SSPN: variants seen among roughly 807,000 people sequenced by gnomAD.
SSPN encodes sarcospan.
A neutral mutation model predicts 19.1 loss-of-function variants in SSPN; 15 were observed. The ratio of observed to expected loss-of-function variants is 0.78; its 90% confidence interval spans 0.52 to 1.21. The LOEUF (loss-of-function observed/expected upper bound fraction) is 1.21, where lower values mean the gene tolerates loss of function less well. Among genes scored for constraint, SSPN ranks in the 50% most tolerant of loss-of-function variants. SSPN has a pLI of 0.00. For synonymous variants in SSPN, 147 were observed against 140.3 expected (o/e 1.05, Z -0.34); for missense variants, 291 against 314.0 (o/e 0.93, Z 0.55).
intron 1 of SSPN, among the ~76,000 whole-genome samples, chr12:26,158,465 A>T (rs1591854156): frequency 6.6e-6 from 1 of 152,252 alleles, no homozygotes; most frequent in East Asian, 1.9e-4. Flanking sequence ...CCAGACAACA[A>T]CCTGGTAGGA....
chr12:26,172,532 G>C lies in SSPN; in HGVS notation c.-31+50380G>C, dbSNP rs563934151. Among the ~76,000 whole-genome samples, 9 of 152,288 alleles carry C rather than the reference G, an allele frequency of 5.9e-5. No homozygotes were observed. The South Asian group carries it at 1.5e-3, about 25-fold the overall frequency. On this transcript the variant is annotated intron_variant, in intron 1 of 2. Coordinates refer to the SSPN transcript ENST00000538142. ...ATTTGTATTATATTATCTCCTATTA[G>C]ATGCTAATCTATGATTTTTAATAGA...
At chr12:26,186,619 C>T (rs1944755890) in intron 1 of SSPN, among the ~76,000 whole-genome samples, 1 of 152,214 alleles carries the variant, frequency 6.6e-6, no homozygotes, top group Admixed American at 6.5e-5. Flanking sequence ...TCTTTTGCTT[C>T]TGCAGGTCTG....
intron 1 of SSPN, among the ~76,000 whole-genome samples, chr12:26,132,054 A>T (rs1296602829): frequency 6.6e-6 from 1 of 152,132 alleles, no homozygotes; most frequent in Non-Finnish European, 1.5e-5. Flanking sequence ...CAGAGGGTTG[A>T]TGTTTAGAGG....
At chr12:26,144,739 G>T (rs572839756) in intron 1 of SSPN, among the ~76,000 whole-genome samples, 1 of 152,054 alleles carries the variant, frequency 6.6e-6, no homozygotes, top group Non-Finnish European at 1.5e-5. Flanking sequence ...TACTGAGCTC[G>T]GTAAATATTT....
chr12:26,191,046 A>G (rs1049559035), upstream of SSPN, among the ~76,000 whole-genome samples: 1 of 152,204 alleles, frequency 6.6e-6, no homozygotes. Context: ...CACTCAGCAC[A>G]CTGTTAATGA....
chr12:26,202,944 G>A (rs146599991), intron 1 of SSPN, among the ~76,000 whole-genome samples: 360 of 152,294 alleles, frequency 2.4e-3, no homozygotes, highest in African/African-American at 7.3e-3. Context: ...GGCTGAGGAG[G>A]CCTCAGGAAA....
chr12:26,229,239 A>AC (rs1945206588), intron 2 of SSPN, among the ~76,000 whole-genome samples: 1 of 152,150 alleles, frequency 6.6e-6, no homozygotes, highest in African/African-American at 2.4e-5. Context: ...GTATTAAGAA[A>AC]AAAATGGCTT....
chr12:26,124,248 C>T (rs1944341863), intron 1 of SSPN: 7 of 934,964 alleles, frequency 7.5e-6, no homozygotes, highest in Middle Eastern at 4.1e-4. Flanking sequence ...ATATTACCCT[C>T]GTCTGCCCCC....
intron 1 of SSPN, among the ~76,000 whole-genome samples, chr12:26,148,046 A>G (rs1185476427): frequency 2.0e-5 from 3 of 152,192 alleles, no homozygotes; most frequent in African/African-American, 7.2e-5. Context: ...ACAATTGGTA[A>G]GCTTATTCTA....
chr12:26,177,687 A>G (rs569708041), intron 1 of SSPN, among the ~76,000 whole-genome samples: 1 of 152,288 alleles, frequency 6.6e-6, no homozygotes, highest in African/African-American at 2.4e-5. Flanking sequence ...GAAATCCTAG[A>G]AACTGGGAAC....
At chr12:26,222,251 A>T (rs1945129308) in intron 1 of SSPN, among the ~76,000 whole-genome samples, 1 of 152,250 alleles carries the variant, frequency 6.6e-6, no homozygotes, top group Admixed American at 6.5e-5. Flanking sequence ...CCCTGGAAAC[A>T]GTCTATAGTA....
intron 1 of SSPN, among the ~76,000 whole-genome samples, chr12:26,161,642 C>A (rs1365514254): frequency 6.6e-6 from 1 of 152,174 alleles, no homozygotes; most frequent in Admixed American, 6.5e-5. Flanking sequence ...CAGGGTCTCT[C>A]TTTTGCTCAG....
At chr12:26,141,340 T>C (rs1944459569) in intron 1 of SSPN, among the ~76,000 whole-genome samples, 1 of 152,126 alleles carries the variant, frequency 6.6e-6, no homozygotes, top group African/African-American at 2.4e-5. Flanking sequence ...CGTAAGGAAA[T>C]GGATTCTTCC....
exon 1 of SSPN, chr12:26,122,149 G>A (rs1415409153): frequency 1.3e-6 from 2 of 1,546,990 alleles, no homozygotes; most frequent in Non-Finnish European, 1.7e-6. Context: ...CCGGCGAAGG[G>A]CAGGTGGGTG....
intron 1 of SSPN, among the ~76,000 whole-genome samples, chr12:26,215,621 C>G (rs1017232805): frequency 6.6e-5 from 10 of 152,202 alleles, no homozygotes; most frequent in Non-Finnish European, 1.5e-5. Context: ...CTTTCTCTAA[C>G]TGGTTGTTAG....
intron 1 of SSPN, among the ~76,000 whole-genome samples, chr12:26,220,362 C>T (rs1945107282): frequency 6.6e-6 from 1 of 151,686 alleles, no homozygotes. Flanking sequence ...TAGCAAATAC[C>T]CTGTACAAGA....
chr12:26,122,248 G>A, intron 1 of SSPN: 2 of 1,275,060 alleles, frequency 1.6e-6, no homozygotes, highest in South Asian at 2.9e-5. Context: ...GCCTTCTCGG[G>A]AGGGGGCGAC....
intron 1 of SSPN, among the ~76,000 whole-genome samples, chr12:26,220,278 C>T (rs1435374815): frequency 6.6e-6 from 1 of 150,602 alleles, no homozygotes; most frequent in East Asian, 1.9e-4. Flanking sequence ...TGACAGTCCC[C>T]TCTCACCTTA....
intron 1 of SSPN, among the ~76,000 whole-genome samples, chr12:26,127,041 T>C (rs1944370856): frequency 6.6e-6 from 1 of 152,188 alleles, no homozygotes; most frequent in African/African-American, 2.4e-5. Context: ...CTCTTTTTAA[T>C]TGACTAAAAA....
Sources: allele counts gnomAD v4.1 joint callset (sites outside exome capture counted in the v4.1 genomes callset), GRCh38; gene constraint gnomAD v4.1.1; transcripts MANE v1.5; gene names NCBI Gene and HGNC (gene_info 2026-07-23, HGNC 2026-07-21).